Variants in PTGIR observed in about 807,000 individuals in gnomAD.
The protein encoded by PTGIR is prostaglandin I2 receptor.
In PTGIR, 16 loss-of-function variants were observed where a neutral mutation model predicts 17.6. The ratio of observed to expected loss-of-function variants is 0.91; its 90% confidence interval spans 0.61 to 1.38. The LOEUF is 1.38. Among genes scored for constraint, PTGIR ranks in the 40% most tolerant of loss-of-function variants. The pLI, the probability that PTGIR is intolerant of heterozygous loss-of-function variation, is 0.00. For synonymous variants in PTGIR, 274 were observed against 255.4 expected (o/e 1.07, Z -0.69); for missense variants, 532 against 548.6 (o/e 0.97, Z 0.30).
rs756033217 is a variant in PTGIR, at chr19:46,623,444, C to T, written c.768+14G>A. The T allele has an allele frequency of 2.8e-5, 42 of 1,523,338 alleles. 1 individual carries two copies. The highest frequency in any genetic ancestry group is 2.8e-5 in the Non-Finnish European group (32 of 1,130,944). The allele number at this position is 1,523,338 out of a possible 1,614,324, so 94.4% of individuals were successfully genotyped here. On this transcript the variant is annotated intron_variant, in intron 2 of 2. Transcript: ENST00000291294. ...CTCCTCTCCCCACTCCTCCCAGCTC[C>T]GGAGGGGACTCACCGTGAGAGGCAG...
downstream of PTGIR, among the ~76,000 whole-genome samples, chr19:46,616,466 TG>T (rs367867462): frequency 3.3e-3 from 499 of 151,008 alleles, 2 homozygotes; most frequent in Middle Eastern, 6.8e-3. Context: ...CCCAAGCATC[TG>T]GGAATGCAGG....
In PTGIR at chr19:46,621,109, C is replaced by A; in HGVS notation, c.*171G>T. On this transcript the variant is annotated 3_prime_UTR_variant, in exon 3 of 3. Coordinates refer to ENST00000291294, the MANE Select transcript of PTGIR (RefSeq NM_000960.4). This position sits in a 1 kb window ranked among gnomAD's most constrained non-coding sequence, Gnocchi z 4.8. ...GGATAAACGTTTCCTCTGTCCCTCA[C>A]TCTCTTCCCAGAGCCAGCAGCGACT... The A allele has an allele frequency of 1.5e-6, 2 of 1,310,668 alleles. No homozygotes were observed. Among genetic ancestry groups the A allele is most frequent in the Non-Finnish European group, 1.9e-6 (2 of 1,030,050 alleles). The allele number at this position is 1,310,668 out of a possible 1,614,324, so 81.2% of individuals were successfully genotyped here.
At chr19:46,617,955 C>T (rs1195776578), downstream of PTGIR, among the ~76,000 whole-genome samples, 2 of 151,586 alleles carry the variant, frequency 1.3e-5, no homozygotes, top group Non-Finnish European at 2.9e-5. Flanking sequence ...TCTCGTGCCT[C>T]AGCCTCCTGA....
At chr19:46,616,673 C>G (rs141734180), downstream of PTGIR, among the ~76,000 whole-genome samples, 647 of 152,272 alleles carry the variant, frequency 4.2e-3, 5 homozygotes, top group Non-Finnish European at 4.5e-3. Flanking sequence ...TGCTAAACCT[C>G]AGGTCCCCGC....
At chr19:46,624,296 C>G in intron 1 of PTGIR, 59 bp from the exon 2 acceptor site, 1 of 1,390,774 alleles carries the variant, frequency 7.2e-7, no homozygotes, top group South Asian at 1.6e-5. Context: ...ACCACCCAGC[C>G]CACTCAGATG....
the PTGIR span, among the ~76,000 whole-genome samples, chr19:46,611,495 CAAAA>C: frequency 6.6e-6 from 1 of 152,320 alleles, no homozygotes; most frequent in African/African-American, 2.4e-5. Context: ...AGATCTGAAA[CAAAA>C]AGCCCAAAAC....
the PTGIR span, among the ~76,000 whole-genome samples, chr19:46,614,739 A>G: frequency 6.6e-6 from 1 of 151,560 alleles, no homozygotes; most frequent in Non-Finnish European, 1.5e-5. Flanking sequence ...TAGCCAGGTA[A>G]GCTGGGAGCG....
intron 2 of PTGIR, chr19:46,622,230 G>C (rs1389284230): frequency 5.1e-6 from 5 of 985,290 alleles, no homozygotes; most frequent in Non-Finnish European, 6.0e-6. Flanking sequence ...GGCAGGACGG[G>C]GTCCCCGCAG....
downstream of PTGIR, among the ~76,000 whole-genome samples, chr19:46,619,592 A>AAAGAAAGG (rs1568675739): frequency 2.9e-4 from 33 of 112,482 alleles, no homozygotes; most frequent in Non-Finnish European, 2.3e-4. Flanking sequence ...AGAAAGAAAG[A>AAAGAAAGG]AAAGAAAGAA....
the PTGIR span, among the ~76,000 whole-genome samples, chr19:46,615,405 C>A: frequency 4.1e-4 from 63 of 152,174 alleles, no homozygotes; most frequent in Non-Finnish European, 8.4e-4. Flanking sequence ...GTCCTGAAAC[C>A]AATCCCCCTA....
downstream of PTGIR, among the ~76,000 whole-genome samples, chr19:46,617,657 C>T (rs1971981199): frequency 6.6e-6 from 1 of 152,152 alleles, no homozygotes; most frequent in Non-Finnish European, 1.5e-5. Flanking sequence ...AACTGACCCA[C>T]CTTCGGGGGT....
chr19:46,621,473 A>G lies in PTGIR; in HGVS notation c.968T>C (p.Leu323Pro). Residue 323 changes from leucine to proline, a missense_variant, in exon 3 of 3, where the codon CTT (leucine) becomes CCT (proline). Transcript: ENST00000291294. The surrounding 1 kb of genome is among the most constrained non-coding windows in gnomAD (Gnocchi z 4.8). ...GPAHGDSQTP[L>P]SQLASGRRDP... is the part of the protein sequence containing the mutation. ...CCTCCTCCCTGAGGCGAGCTGGGAAAGGGGTGTCTGCGAGTCTCCGTGGGC... is the reference window on the plus strand; with the variant it reads ...CCTCCTCCCTGAGGCGAGCTGGGAAGGGGGTGTCTGCGAGTCTCCGTGGGC... 4 of 1,614,124 alleles carry G rather than the reference A, an allele frequency of 2.5e-6. No homozygotes were observed. The highest frequency in any genetic ancestry group is 3.4e-6 in the Non-Finnish European group (4 of 1,180,008).
At chr19:46,617,877 GCT>G (rs944596520), downstream of PTGIR, among the ~76,000 whole-genome samples, 2 of 150,198 alleles carry the variant, frequency 1.3e-5, no homozygotes, top group Non-Finnish European at 3.0e-5. Flanking sequence ...GCAGAGTCTG[GCT>G]CTGTCACCCA....
At chr19:46,612,028 G>A in the PTGIR span, among the ~76,000 whole-genome samples, 4 of 152,266 alleles carry the variant, frequency 2.6e-5, no homozygotes, top group African/African-American at 9.6e-5. Context: ...GTGCATCCCA[G>A]TCACCGGAGC....
At chr19:46,616,097 C>T (rs1467332816), downstream of PTGIR, among the ~76,000 whole-genome samples, 5 of 151,966 alleles carry the variant, frequency 3.3e-5, no homozygotes, top group Non-Finnish European at 7.4e-5. Flanking sequence ...CCACTGCGCA[C>T]GACCTTTGTA....
downstream of PTGIR, among the ~76,000 whole-genome samples, chr19:46,617,511 C>T (rs556884717): frequency 3.9e-5 from 6 of 152,298 alleles, no homozygotes; most frequent in African/African-American, 1.2e-4. Context: ...CCAGCTTCTA[C>T]GTTGCATCCT....
chr19:46,619,565 G>GAA, downstream of PTGIR, among the ~76,000 whole-genome samples: 1 of 122,564 alleles, frequency 8.2e-6, no homozygotes, highest in African/African-American at 3.2e-5. Context: ...GAGAGAGAGA[G>GAA]AGAGAGAGAG....
rs2052722441 is a variant in PTGIR, at chr19:46,621,223, T to G, written c.*57A>C. On this transcript the variant is annotated 3_prime_UTR_variant, in exon 3 of 3. Coordinates refer to ENST00000291294, the MANE Select transcript of PTGIR (RefSeq NM_000960.4). The surrounding 1 kb of genome is among the most constrained non-coding windows in gnomAD (Gnocchi z 4.8). ...CCGCAGCCATCAGCCATGTCCCTGA[T>G]TTTCTGGCTCCTGTCGCCCGAAGAC... The G allele has an allele frequency of 6.8e-7, 1 of 1,468,712 alleles. No homozygotes were observed. Among genetic ancestry groups the G allele is most frequent in the Admixed American group, 2.4e-5 (1 of 42,480 alleles). The allele number at this position is 1,468,712 out of a possible 1,614,324, so 91.0% of individuals were successfully genotyped here. A position where few individuals can be genotyped will look rare whatever the true frequency, so the allele number is the denominator to read the frequency against.
chr19:46,618,169 C>T (rs1248962596), downstream of PTGIR, among the ~76,000 whole-genome samples: 2 of 152,078 alleles, frequency 1.3e-5, no homozygotes, highest in Admixed American at 1.3e-4. Context: ...CGCCCGCCAC[C>T]ACGCCCGGCT....
Sources: gnomAD v4.1 joint callset for allele counts (sites outside exome capture counted in the v4.1 genomes callset) on GRCh38, gnomAD v4.1.1 for gene constraint, Gnocchi (gnomAD v3.1) non-coding constraint, MANE v1.5 for transcripts, NCBI Gene and HGNC (gene_info 2026-07-23, HGNC 2026-07-21) for gene names.